FADS6: variants seen among roughly 807,000 people sequenced by gnomAD.
FADS6 encodes fatty acid desaturase 6.
A neutral mutation model predicts 31.7 loss-of-function variants in FADS6; 28 were observed. The observed-to-expected ratio is 0.88, with a 90% CI of 0.66 to 1.21. The LOEUF (loss-of-function observed/expected upper bound fraction) is 1.21, where lower values mean the gene tolerates loss of function less well. Ranked by LOEUF, FADS6 falls within the 50% of genes most tolerant of loss-of-function variation. The probability of loss-of-function intolerance (pLI) is 0.00; values close to 1 mark genes in which losing one functional copy is unlikely to be tolerated. For synonymous variants in FADS6, 191 were observed against 213.1 expected, an observed-to-expected ratio of 0.90 and a Z score of 0.90; for missense variants, 494 against 504.2, an observed-to-expected ratio of 0.98 and a Z score of 0.19.
At chr17:74,892,112 C>T (rs2038695463) in intron 2 of FADS6, among the ~76,000 whole-genome samples, 1 of 152,206 alleles carries the variant, frequency 6.6e-6, no homozygotes, top group Non-Finnish European at 1.5e-5. Flanking sequence ...CAGGGGGCTT[C>T]TCAGGAAGGC....
In FADS6 at chr17:74,878,059, T is replaced by C. The variant is rs1876261187; in HGVS notation, c.*272A>G. On this transcript the variant is annotated 3_prime_UTR_variant, in exon 6 of 6. Coordinates refer to ENST00000612771, the MANE Select transcript of FADS6 (RefSeq NM_178128.6). ...GAGCAGGGGGAAGGACCCAGCTCTT[T>C]AGTCCTGAGATGAAGTTGCTGAGGT... The C allele has an allele frequency of 1.6e-6, 2 of 1,253,764 alleles. No individual in the cohort carries two copies. Among genetic ancestry groups the C allele is most frequent in the Non-Finnish European group, 2.0e-6 (2 of 994,612 alleles). 77.7% of individuals were successfully genotyped at this position (1,253,764 alleles called of 1,614,324 possible).
At chr17:74,885,146 TAGC>T (rs2038610173) in intron 2 of FADS6, among the ~76,000 whole-genome samples, 1 of 152,092 alleles carries the variant, frequency 6.6e-6, no homozygotes, top group African/African-American at 2.4e-5. Flanking sequence ...CACTGTGCAG[TAGC>T]AGCAGCAGCT....
In FADS6 at chr17:74,882,668, C is replaced by T. The variant is rs745782129; in HGVS notation, c.454G>A (p.Val152Ile). ...FTAEHATHGHVKMHHAYTNVV... is the reference protein window; with the variant it reads ...FTAEHATHGHIKMHHAYTNVV... ...TTGGTGTAGGCATGGTGCATCTTGA[C>T]GTGCCCATGCGTGGCGTGCTCTGCA... Residue 152 changes from valine (V) to isoleucine (I), a missense_variant, in exon 3 of 6, where the codon GTC becomes ATC. This residue lies in a region of FADS6 where 454 missense variants were observed against 438.5 expected (regional missense o/e 1.04). Transcript: ENST00000612771. 9 of 1,611,104 alleles carry T rather than the reference C, an allele frequency of 5.6e-6. No individual in the cohort carries two copies. In the South Asian group the frequency reaches 6.6e-5, roughly 12 times the overall value.
At position 74,879,443 on chromosome 17, in the gene FADS6, G is replaced by C; in HGVS notation, c.921C>G (p.His307Gln). Residue 307 changes from histidine (H) to glutamine (Q), a missense_variant, in exon 5 of 6, where the codon CAC (histidine) becomes CAG (glutamine). Around this residue, in one of 2 missense-constraint regions of FADS6, gnomAD observed 454 missense variants for 438.5 expected, o/e 1.04. Coordinates refer to ENST00000612771, the MANE Select transcript of FADS6 (RefSeq NM_178128.6). Reference sequence around the variant, plus strand: ...TATCAGAGAGCCTGGGGAATAGATGGTGTTCCACATGGCAGCTGATGATCG... The same window carrying C: ...TATCAGAGAGCCTGGGGAATAGATGCTGTTCCACATGGCAGCTGATGATCG... Reference protein sequence around the residue: ...GHSIISCHVEHHLFPRLSDNM... With the variant: ...GHSIISCHVEQHLFPRLSDNM... 6.2e-7 allele frequency: 1 copy of C among 1,613,974 alleles called. No individual in the cohort carries two copies. Among genetic ancestry groups the C allele is most frequent in the Non-Finnish European group, 8.5e-7 (1 of 1,179,900 alleles).
chr17:74,879,880 C>A (rs780590236), intron 4 of FADS6, among the ~76,000 whole-genome samples: 1 of 152,176 alleles, frequency 6.6e-6, no homozygotes, highest in African/African-American at 2.4e-5. Context: ...CTCATCACAC[C>A]GTGCCCTTGC....
chr17:74,893,516 GGTTCCATGGGCTCCGTA>G lies in FADS6; in HGVS notation c.63_79del (p.Thr22TyrfsTer258), dbSNP rs2038718256. ...CCGCGCCGGTTCCATGGGCTCCGTA[GGTTCCATGGGCTCCGTA>G]GGTTCCATGGGCTCCGTAGGTTCCA... On this transcript the variant is annotated frameshift_variant, in exon 1 of 6. Transcript: ENST00000612771. LOFTEE classifies it high-confidence loss of function. 6.4e-7 allele frequency: 1 copy of G among 1,565,904 alleles called. No homozygotes were observed. The highest frequency in any genetic ancestry group is 8.6e-7 in the Non-Finnish European group (1 of 1,158,932).
At chr17:74,889,604 G>A (rs868798681) in intron 2 of FADS6, among the ~76,000 whole-genome samples, 6 of 150,658 alleles carry the variant, frequency 4.0e-5, no homozygotes, top group East Asian at 1.9e-4. Flanking sequence ...AGTGGCTCAC[G>A]CCTGTAATCC....
At chr17:74,882,904 T>C in intron 2 of FADS6, 194 bp from the exon 3 acceptor site, 1 of 1,428,126 alleles carries the variant, frequency 7.0e-7, no homozygotes, top group Non-Finnish European at 9.3e-7. Flanking sequence ...TGGCAGCCAG[T>C]CAATACAATC....
intron 2 of FADS6, among the ~76,000 whole-genome samples, chr17:74,888,406 T>C (rs1248811331): frequency 6.6e-6 from 1 of 152,160 alleles, no homozygotes; most frequent in African/African-American, 2.4e-5. Flanking sequence ...TAAGAAGTTG[T>C]AGTTGAACTT....
intron 1 of FADS6, 76 bp from the exon 2 acceptor site, chr17:74,892,765 C>T (rs1598566692): frequency 1.4e-6 from 2 of 1,418,628 alleles, no homozygotes; most frequent in African/African-American, 2.8e-5. Flanking sequence ...CAACCCTTAC[C>T]CTGGGAGCCC....
rs771101271 is a variant in FADS6 at position 74,879,496 on chromosome 17, G to C, written c.868C>G (p.Pro290Ala). The change falls in exon 5 of 6, where the codon CCC (proline) becomes GCC (alanine). Residue 290 changes from proline to alanine, a missense_variant. This residue lies in a region of FADS6 where 454 missense variants were observed against 438.5 expected (regional missense o/e 1.04). Transcript: ENST00000612771. ...SLGVLNLARL[P>A]VLDWAFGHSI... ...TGGCCGAACGCCCAGTCCAGCACGG[G>C]CAGCCGGGCCAGGTTAAGCACCCCC... The C allele has an allele frequency of 6.2e-7, 1 of 1,613,876 alleles. No individual in the cohort carries two copies. Among genetic ancestry groups the C allele is most frequent in the South Asian group, 1.1e-5 (1 of 91,080 alleles).
Position 74,877,592 on chromosome 17 carries a change from C to G in FADS6, c.*739G>C, listed in dbSNP as rs1168647497. The stretch of plus-strand genomic sequence containing the variant: ...TCGCGATCCACCCGCCTTGGCCTCC[C>G]AAAGTGCTGGGATTACAGGCATGAG... On this transcript the variant is annotated 3_prime_UTR_variant, in exon 6 of 6. Transcript: ENST00000612771. 3 of 775,506 alleles carry G rather than the reference C, an allele frequency of 3.9e-6. No homozygotes were observed. In the African/African-American group the frequency reaches 5.7e-5, roughly 15 times the overall value. The allele number at this position is 775,506 out of a possible 1,614,324, so 48.0% of individuals were successfully genotyped here.
intron 1 of FADS6, among the ~76,000 whole-genome samples, chr17:74,893,101 C>T (rs1198914197): frequency 7.7e-6 from 1 of 130,684 alleles, no homozygotes; most frequent in Admixed American, 7.3e-5. Flanking sequence ...TCAACTTTCC[C>T]TTCCACCACC....
At position 74,881,098 on chromosome 17, in the gene FADS6, G is replaced by A. The variant is rs1413652062; in HGVS notation, c.750C>T (p.Ala250=). The change falls in exon 4 of 6, where the codon GCC becomes GCT. Residue 250 remains alanine (A), a synonymous_variant. Transcript: ENST00000612771. ...AGATGTTGACGTGGAGGTAGGGGTGGGCCAACAGGGATCTGGTGAGGAACA... is the reference window on the plus strand; with the variant it reads ...AGATGTTGACGTGGAGGTAGGGGTGAGCCAACAGGGATCTGGTGAGGAACA... ...GCMFLTRSLL[A]HPYLHVNIFQ... The A allele has an allele frequency of 4.3e-6, 7 of 1,613,618 alleles. No individual in the cohort carries two copies. The highest frequency in any genetic ancestry group is 5.9e-6 in the Non-Finnish European group (7 of 1,179,754).
At chr17:74,884,729 T>TC (rs2038606009) in intron 2 of FADS6, among the ~76,000 whole-genome samples, 1 of 151,970 alleles carries the variant, frequency 6.6e-6, no homozygotes, top group Non-Finnish European at 1.5e-5. Flanking sequence ...TCTTTTTTTT[T>TC]CCGAGTCTTG....
intron 2 of FADS6, among the ~76,000 whole-genome samples, chr17:74,885,557 G>A (rs1274334067): frequency 5.3e-5 from 8 of 151,986 alleles, no homozygotes; most frequent in East Asian, 3.9e-4. Context: ...CCAGACCAAC[G>A]CTGCCCCTCT....
At chr17:74,890,775 A>G (rs1021980232) in intron 2 of FADS6, among the ~76,000 whole-genome samples, 8 of 152,068 alleles carry the variant, frequency 5.3e-5, no homozygotes, top group African/African-American at 1.9e-4. Context: ...TTTCCGGTGG[A>G]GCGCTCCAGT....
rs1242923806 is a variant in FADS6, at chr17:74,878,298, G to A, written c.*33C>T. On this transcript the variant is annotated 3_prime_UTR_variant, in exon 6 of 6. Transcript: ENST00000612771. Reference sequence around the variant, plus strand: ...GCAGGAGGGCCAGGGCCAGGCCAGGGAGGGGCAGGGTGGCTGCACCGGCCC... The same window carrying A: ...GCAGGAGGGCCAGGGCCAGGCCAGGAAGGGGCAGGGTGGCTGCACCGGCCC... The A allele has an allele frequency of 1.3e-6, 2 of 1,596,028 alleles. No homozygotes were observed. The highest frequency in any genetic ancestry group is 1.7e-6 in the Non-Finnish European group (2 of 1,171,068).
intron 2 of FADS6, among the ~76,000 whole-genome samples, chr17:74,888,092 T>C (rs1165499812): frequency 6.6e-6 from 1 of 151,194 alleles, no homozygotes; most frequent in Non-Finnish European, 1.5e-5. Flanking sequence ...GTCCCCAGCA[T>C]CTACTGGAGC....
Sources: allele counts gnomAD v4.1 joint callset (sites outside exome capture counted in the v4.1 genomes callset), GRCh38; gene constraint gnomAD v4.1.1; regional missense constraint gnomAD v4.1.1; transcripts MANE v1.5; gene names NCBI Gene and HGNC (gene_info 2026-07-23, HGNC 2026-07-21).